ARHGAP15: variants seen among roughly 807,000 people sequenced by gnomAD.
ARHGAP15 encodes rho GTPase-activating protein 15.
In ARHGAP15, 51 loss-of-function variants were observed where a neutral mutation model predicts 63.7. The observed-to-expected ratio is 0.80, with a 90% CI of 0.64 to 1.01. The LOEUF (loss-of-function observed/expected upper bound fraction) is 1.01, where lower values mean the gene tolerates loss of function less well. ARHGAP15 is among the 50% of genes least tolerant of loss of function. ARHGAP15 has a pLI of 0.00. For synonymous variants in ARHGAP15, 191 were observed against 193.8 expected (o/e 0.99, Z 0.12); for missense variants, 560 against 564.6 (o/e 0.99, Z 0.08).
chr2:143,540,347 G>T (rs1694989470), intron 10 of ARHGAP15, among the ~76,000 whole-genome samples: 1 of 152,166 alleles, frequency 6.6e-6, no homozygotes, highest in Admixed American at 6.5e-5. Flanking sequence ...GCCAGTCTGT[G>T]CCTTTTAACT....
chr2:143,482,469 G>T (rs1380560947), intron 8 of ARHGAP15, among the ~76,000 whole-genome samples: 1 of 152,180 alleles, frequency 6.6e-6, no homozygotes, highest in Non-Finnish European at 1.5e-5. Context: ...TATGTGTGGG[G>T]TCACTTGGGT....
chr2:143,541,689 G>T (rs1695060059), intron 10 of ARHGAP15, among the ~76,000 whole-genome samples: 3 of 152,158 alleles, frequency 2.0e-5, no homozygotes, highest in Admixed American at 2.0e-4. Context: ...CTGCAGAACA[G>T]CGGATATTGG....
intron 6 of ARHGAP15, among the ~76,000 whole-genome samples, chr2:143,420,323 G>A (rs1688865103): frequency 6.6e-6 from 1 of 152,148 alleles, no homozygotes. Flanking sequence ...AAAGAAAAGA[G>A]AGCAATCTTA....
chr2:143,519,466 A>G, intron 10 of ARHGAP15, 102 bp downstream of exon 10: 1 of 882,776 alleles, frequency 1.1e-6, no homozygotes. Context: ...AAGCCATGCA[A>G]TTAAAACTTG....
At chr2:143,559,451 C>T (rs867404027) in intron 11 of ARHGAP15, among the ~76,000 whole-genome samples, 2 of 152,178 alleles carry the variant, frequency 1.3e-5, no homozygotes, top group African/African-American at 2.4e-5. Flanking sequence ...TGGTTTATAG[C>T]ACTGTCAGAA....
rs753681807 is a variant in ARHGAP15, at chr2:143,227,029, T to TA, written c.297-1543dup. Among the ~76,000 whole-genome samples the TA allele has an allele frequency of 1.8e-4, 28 of 151,630 alleles. No individual in the cohort carries two copies. The East Asian group carries it at 2.5e-3, about 14-fold the overall frequency. ...CCTGAATAAAGTCTTTCCATAAACT[T>TA]AAAAAAAAATCACTTTTGTGAAATG... On this transcript the variant is annotated intron_variant, in intron 4 of 13. Coordinates refer to ENST00000295095, the MANE Select transcript of ARHGAP15 (RefSeq NM_018460.4).
At chr2:143,384,428 T>A (rs1687182194) in intron 6 of ARHGAP15, among the ~76,000 whole-genome samples, 1 of 152,166 alleles carries the variant, frequency 6.6e-6, no homozygotes, top group African/African-American at 2.4e-5. Context: ...TATTTTTATA[T>A]TCTATGATAC....
At chr2:143,259,953 T>C (rs1174726505) in intron 6 of ARHGAP15, among the ~76,000 whole-genome samples, 1 of 152,134 alleles carries the variant, frequency 6.6e-6, no homozygotes, top group Non-Finnish European at 1.5e-5. Context: ...TAAATAAGAA[T>C]ATACATGAGA....
chr2:143,536,625 T>C (rs1694778308), intron 10 of ARHGAP15, among the ~76,000 whole-genome samples: 2 of 151,492 alleles, frequency 1.3e-5, no homozygotes, highest in South Asian at 4.2e-4. Context: ...CATGCGGTGT[T>C]TGGTTTTTTG....
intron 2 of ARHGAP15, among the ~76,000 whole-genome samples, chr2:143,196,726 G>T (rs1167707664): frequency 1.3e-5 from 2 of 151,742 alleles, no homozygotes; most frequent in African/African-American, 2.4e-5. Flanking sequence ...AATAAATGAG[G>T]CTGTGAACAT....
At position 143,667,656 on chromosome 2, in the gene ARHGAP15, T is replaced by C. The variant is rs546837977; in HGVS notation, c.1139-35763T>C. 3.3e-5 allele frequency among the ~76,000 whole-genome samples: 5 copies of C among 150,970 alleles called. No homozygotes were observed. The South Asian group carries it at 1.0e-3, about 32-fold the overall frequency. On this transcript the variant is annotated intron_variant, in intron 12 of 13. Coordinates refer to ENST00000295095, the MANE Select transcript of ARHGAP15 (RefSeq NM_018460.4). ...TAATTTAATCTTTGGGAAAATGCAA[T>C]TTATCATAATTTGTGATAACTTATT...
intron 12 of ARHGAP15, among the ~76,000 whole-genome samples, chr2:143,639,917 A>G (rs1422585027): frequency 6.6e-6 from 1 of 152,138 alleles, no homozygotes; most frequent in Non-Finnish European, 1.5e-5. Flanking sequence ...TTACAGAATA[A>G]GACCACAGAT....
rs377338807 is a variant in ARHGAP15 at position 143,232,775 on chromosome 2, T to C, written c.384+4107T>C. On this transcript the variant is annotated intron_variant, in intron 5 of 13. Coordinates refer to ENST00000295095, the MANE Select transcript of ARHGAP15 (RefSeq NM_018460.4). ...ATTTTCAAACCTATAGCTATATACC[T>C]TAAAAATATAATTTAGGTGTTTTTT... is the stretch of plus-strand genomic sequence containing the variant. Among the ~76,000 whole-genome samples, 21 of 152,336 alleles carry C rather than the reference T, an allele frequency of 1.4e-4. No homozygotes were observed. The East Asian group carries it at 3.1e-3, about 22-fold the overall frequency.
chr2:143,767,850 A>T (rs2072972350), intron 13 of ARHGAP15, 139 bp from the exon 14 acceptor site: 1 of 818,920 alleles, frequency 1.2e-6, no homozygotes, highest in South Asian at 1.9e-5. Context: ...CATACAGTAA[A>T]GTATGTAGGG....
At chr2:143,236,795 T>A (rs1418642084) in intron 5 of ARHGAP15, 1 of 152,202 alleles carries the variant, frequency 6.6e-6, no homozygotes, top group Non-Finnish European at 1.5e-5. Flanking sequence ...ATTTTACAGA[T>A]GTATATTGAT....
At chr2:143,413,413 A>G (rs1009762320) in intron 6 of ARHGAP15, among the ~76,000 whole-genome samples, 1 of 152,122 alleles carries the variant, frequency 6.6e-6, no homozygotes, top group Non-Finnish European at 1.5e-5. Flanking sequence ...ATAAACGGCA[A>G]TTTTGTTTCT....
At chr2:143,756,169 A>G (rs957463188) in intron 13 of ARHGAP15, among the ~76,000 whole-genome samples, 3 of 152,176 alleles carry the variant, frequency 2.0e-5, no homozygotes, top group Non-Finnish European at 4.4e-5. Flanking sequence ...CTTCACCTAT[A>G]TAAAAAGGAA....
chr2:143,711,127 G>C (rs1684562971), intron 13 of ARHGAP15, among the ~76,000 whole-genome samples: 1 of 152,082 alleles, frequency 6.6e-6, no homozygotes, highest in African/African-American at 2.4e-5. Context: ...TGCTACAAAG[G>C]CAAGAGGTCA....
chr2:143,667,766 G>T (rs1039231588), intron 12 of ARHGAP15, among the ~76,000 whole-genome samples: 2 of 151,884 alleles, frequency 1.3e-5, no homozygotes, highest in African/African-American at 4.8e-5. Context: ...AGCCAAGGTG[G>T]ATTGCTTGAG....
Sources: gnomAD v4.1 joint callset for allele counts (sites outside exome capture counted in the v4.1 genomes callset) on GRCh38, gnomAD v4.1.1 for gene constraint, MANE v1.5 for transcripts, NCBI Gene and HGNC (gene_info 2026-07-23, HGNC 2026-07-21) for gene names.